Variants in CNTN6 observed in about 807,000 individuals in gnomAD.
The protein encoded by CNTN6 is contactin 6, also known as contactin-6.
CNTN6 carries 137 observed loss-of-function variants against 122.8 expected under a neutral mutation model. The ratio of observed to expected loss-of-function variants is 1.12; its 90% CI spans 0.97 to 1.29. CNTN6 has a LOEUF of 1.29. Ranked by LOEUF, CNTN6 falls within the 50% of genes most tolerant of loss-of-function variation. CNTN6 has a pLI of 0.00. For missense variants in CNTN6, 1,634 were observed against 1,223.4 expected, an observed-to-expected ratio of 1.34 and a Z score of -5.01; for synonymous variants, 570 against 426.0, an observed-to-expected ratio of 1.34 and a Z score of -4.16.
At chr3:1,150,683 A>C (rs2125184642) in intron 2 of CNTN6, among the ~76,000 whole-genome samples, 1 of 152,300 alleles carries the variant, frequency 6.6e-6, no homozygotes, top group South Asian at 2.1e-4. Flanking sequence ...TAACTGTTTC[A>C]TTGATATGCA....
intron 11 of CNTN6, among the ~76,000 whole-genome samples, chr3:1,332,556 G>T (rs1364739194): frequency 7.2e-6 from 1 of 139,334 alleles, no homozygotes; most frequent in East Asian, 2.1e-4. Context: ...GGAAGAGAAA[G>T]AGGGGGAAAG....
intron 2 of CNTN6, among the ~76,000 whole-genome samples, chr3:1,205,792 T>A (rs2093949908): frequency 6.6e-6 from 1 of 152,192 alleles, no homozygotes; most frequent in South Asian, 2.1e-4. Context: ...TGATAAGGAA[T>A]GCTAAAATAA....
chr3:1,135,600 A>T (rs1251069755), intron 1 of CNTN6, among the ~76,000 whole-genome samples: 2 of 147,654 alleles, frequency 1.4e-5, no homozygotes, highest in African/African-American at 5.4e-5. Context: ...ACACACACAC[A>T]TACATAAATA....
At chr3:1,327,738 G>A (rs914982591) in intron 10 of CNTN6, 152 bp downstream of exon 10, 2 of 870,974 alleles carry the variant, frequency 2.3e-6, no homozygotes, top group Admixed American at 2.9e-5. Flanking sequence ...CAAAATTCAA[G>A]GTGGTAATTA....
chr3:1,347,807 G>A (rs1177261061), intron 11 of CNTN6, among the ~76,000 whole-genome samples: 24 of 151,980 alleles, frequency 1.6e-4, no homozygotes, highest in Admixed American at 1.6e-3. Flanking sequence ...AAGTAGCTAA[G>A]AACACAGACA....
chr3:1,144,603 A>T (rs201080848), intron 1 of CNTN6, among the ~76,000 whole-genome samples: 2 of 148,726 alleles, frequency 1.3e-5, no homozygotes, highest in Admixed American at 1.3e-4. Context: ...ATAAAAAATA[A>T]AAAATAAAAA....
chr3:1,096,347 C>T (rs557802263), intron 1 of CNTN6, among the ~76,000 whole-genome samples: 1 of 151,882 alleles, frequency 6.6e-6, no homozygotes, highest in Non-Finnish European at 1.5e-5. Flanking sequence ...TGAGGTTTGC[C>T]CCATTAATTT....
At chr3:1,116,338 T>C (rs968099060) in intron 1 of CNTN6, among the ~76,000 whole-genome samples, 2 of 152,106 alleles carry the variant, frequency 1.3e-5, no homozygotes, top group African/African-American at 4.8e-5. Flanking sequence ...GGAACTATCA[T>C]GAGGAAAATT....
At chr3:1,269,654 A>G (rs775130234) in intron 4 of CNTN6, among the ~76,000 whole-genome samples, 2 of 152,200 alleles carry the variant, frequency 1.3e-5, no homozygotes, top group Admixed American at 6.5e-5. Context: ...GTATATTATC[A>G]TAGACCAATT....
At chr3:1,160,890 A>AT (rs2093118408) in intron 2 of CNTN6, among the ~76,000 whole-genome samples, 2 of 152,140 alleles carry the variant, frequency 1.3e-5, no homozygotes, top group South Asian at 4.1e-4. Context: ...ATTATTAAAA[A>AT]TTAAATAGAC....
chr3:1,393,687 G>A (rs1164417079), intron 20 of CNTN6, among the ~76,000 whole-genome samples: 1 of 149,872 alleles, frequency 6.7e-6, no homozygotes, highest in Non-Finnish European at 1.5e-5. Flanking sequence ...TAGACTGACA[G>A]ACATTTTAGT....
At chr3:1,357,740 C>T (rs1706802442) in intron 12 of CNTN6, among the ~76,000 whole-genome samples, 1 of 151,812 alleles carries the variant, frequency 6.6e-6, no homozygotes, top group African/African-American at 2.4e-5. Flanking sequence ...CTAAATACCG[C>T]AGCCTTCATT....
intron 2 of CNTN6, among the ~76,000 whole-genome samples, chr3:1,157,281 G>C (rs2092996070): frequency 6.6e-6 from 1 of 151,838 alleles, no homozygotes; most frequent in African/African-American, 2.4e-5. Flanking sequence ...GCGGTGGCAC[G>C]ATTCTGGCTC....
chr3:1,266,986 T>C (rs921724743), intron 4 of CNTN6, among the ~76,000 whole-genome samples: 20 of 134,000 alleles, frequency 1.5e-4, no homozygotes, highest in African/African-American at 5.7e-4. Context: ...AGACAGAGTC[T>C]CTCTCTGTAA....
At chr3:1,122,082 AT>A (rs774097899) in intron 1 of CNTN6, among the ~76,000 whole-genome samples, 1 of 152,000 alleles carries the variant, frequency 6.6e-6, no homozygotes, top group East Asian at 1.9e-4. Context: ...TAAATGAATT[AT>A]TTTTTTGCAA....
intron 1 of CNTN6, among the ~76,000 whole-genome samples, chr3:1,105,215 A>C (rs1222972735): frequency 6.6e-6 from 1 of 152,170 alleles, no homozygotes; most frequent in East Asian, 1.9e-4. Context: ...TTGGATTACA[A>C]AACAAATACA....
chr3:1,117,830 C>T (rs1290851551), intron 1 of CNTN6, among the ~76,000 whole-genome samples: 1 of 152,178 alleles, frequency 6.6e-6, no homozygotes, highest in Non-Finnish European at 1.5e-5. Flanking sequence ...GGTTCTCCAT[C>T]CCTTTATACA....
intron 20 of CNTN6, among the ~76,000 whole-genome samples, chr3:1,398,573 TTA>T (rs1189580031): frequency 1.3e-4 from 20 of 152,240 alleles, no homozygotes; most frequent in East Asian, 1.9e-4. Flanking sequence ...GAAAAATTGA[TTA>T]TGTCATAACA....
chr3:1,193,047 T>C (rs1437386462), intron 2 of CNTN6, among the ~76,000 whole-genome samples: 1 of 152,206 alleles, frequency 6.6e-6, no homozygotes, highest in Non-Finnish European at 1.5e-5. Flanking sequence ...TGTACATTAG[T>C]ATGTTACATG....
Sources: allele counts gnomAD v4.1 joint callset (sites outside exome capture counted in the v4.1 genomes callset), GRCh38; gene constraint gnomAD v4.1.1; transcripts MANE v1.5; gene names NCBI Gene and HGNC (gene_info 2026-07-23, HGNC 2026-07-21).